The following COLEC11 variants were observed in gnomAD, a reference collection of about 807,000 sequenced individuals.
COLEC11 encodes the protein collectin-11.
Under a neutral mutation model 27.3 loss-of-function variants are expected in COLEC11, and 20 were observed. That is an observed-to-expected ratio of 0.73 (90% CI 0.51 to 1.06). The LOEUF (loss-of-function observed/expected upper bound fraction) is 1.06, where lower values mean the gene tolerates loss of function less well. Ranked by LOEUF, COLEC11 falls within the 50% of genes least tolerant of loss-of-function variation. The pLI is 0.00. For synonymous variants in COLEC11, 163 were observed against 154.7 expected (o/e 1.05, Z -0.40); for missense variants, 310 against 383.0 (o/e 0.81, Z 1.59).
intron 1 of COLEC11, among the ~76,000 whole-genome samples, chr2:3,599,133 G>A (rs1238281379): frequency 6.6e-6 from 1 of 152,138 alleles, no homozygotes; most frequent in Non-Finnish European, 1.5e-5. Flanking sequence ...GCTGGGAAGC[G>A]TTCTTAATTT....
At position 3,643,735 on chromosome 2, in the gene COLEC11, G is replaced by T. The variant is rs748736842; in HGVS notation, c.433G>T (p.Gly145Cys). Residue 145 changes from glycine to cysteine, a missense_variant, in exon 7 of 7, where the codon GGT (glycine) becomes TGT (cysteine). Coordinates refer to ENST00000349077, the MANE Select transcript of COLEC11 (RefSeq NM_024027.5). ...CCTGCCTTACCCCACAGCTGTCGCC[G>T]GTGTGCGCGAGACGGAGAGCAAGAT... ...ELKFIKNAVA[G>C]VRETESKIYL... 6.2e-7 allele frequency: 1 copy of T among 1,613,530 alleles called. No individual in the cohort carries two copies. Among genetic ancestry groups the T allele is most frequent in the Admixed American group, 1.7e-5 (1 of 60,016 alleles).
intron 2 of COLEC11, chr2:3,605,677 C>T (rs1662627894): frequency 5.0e-6 from 1 of 198,922 alleles, no homozygotes; most frequent in Non-Finnish European, 1.0e-5. Flanking sequence ...CCGCTTGGGC[C>T]TTCAGCTTCT....
rs571350788 is a variant in COLEC11 at position 3,635,222 on chromosome 2, C to T, written c.203-2311C>T. Among the ~76,000 whole-genome samples the T allele has an allele frequency of 4.6e-5, 7 of 152,004 alleles. No individual in the cohort carries two copies. In the East Asian group the frequency reaches 1.2e-3, roughly 26 times the overall value. The stretch of plus-strand genomic sequence containing the variant: ...CTTGGGGAGGCTTGGCACTCAGTGC[C>T]AGCTGTGCGTGCCTCATCCACACAT... On this transcript the variant is annotated intron_variant, in intron 3 of 6. Transcript: ENST00000349077.
At chr2:3,634,715 C>T (rs929519780) in intron 3 of COLEC11, among the ~76,000 whole-genome samples, 1 of 152,118 alleles carries the variant, frequency 6.6e-6, no homozygotes, top group Non-Finnish European at 1.5e-5. Flanking sequence ...TTGGCTCCAG[C>T]AGGCGCTGGA....
intron 3 of COLEC11, among the ~76,000 whole-genome samples, chr2:3,624,212 ATCTG>A (rs544813158): frequency 6.8e-4 from 104 of 152,230 alleles, no homozygotes; most frequent in African/African-American, 2.4e-3. Context: ...CAGTCAAGCT[ATCTG>A]TCTGTGTGAG....
At chr2:3,613,241 C>T in intron 2 of COLEC11, 70 bp from the exon 3 acceptor site, 1 of 1,506,482 alleles carries the variant, frequency 6.6e-7, no homozygotes. Context: ...AACTGTTCTT[C>T]CTCCACAAAT....
intron 3 of COLEC11, among the ~76,000 whole-genome samples, chr2:3,619,979 A>G (rs114816024): frequency 0.024 from 3,599 of 152,204 alleles, 147 homozygotes; most frequent in African/African-American, 0.08. Context: ...ATTGTGTTGA[A>G]GATTTTTGCA....
intron 2 of COLEC11, among the ~76,000 whole-genome samples, chr2:3,607,631 T>C (rs895563763): frequency 2.6e-5 from 4 of 152,180 alleles, no homozygotes; most frequent in South Asian, 2.1e-4. Flanking sequence ...GTATTTTTAG[T>C]AGAGACGGGG....
intron 3 of COLEC11, among the ~76,000 whole-genome samples, chr2:3,618,107 T>C (rs757874559): frequency 2.0e-5 from 3 of 152,240 alleles, no homozygotes; most frequent in South Asian, 2.1e-4. Context: ...TTATCAGATA[T>C]ATGGTTTGCA....
intron 3 of COLEC11, among the ~76,000 whole-genome samples, chr2:3,631,093 T>C (rs1052939264): frequency 3.3e-5 from 5 of 151,974 alleles, no homozygotes; most frequent in Admixed American, 3.3e-4. Flanking sequence ...TAGCCAGACA[T>C]GGTGGTGCAC....
intron 2 of COLEC11, among the ~76,000 whole-genome samples, chr2:3,609,730 A>G (rs370796441): frequency 2.4e-4 from 37 of 152,146 alleles, no homozygotes; most frequent in African/African-American, 8.5e-4. Context: ...GGGTTTCACC[A>G]TGTTGACCAG....
Position 3,635,671 on chromosome 2 carries a change from C to T in COLEC11, c.203-1862C>T, listed in dbSNP as rs771832528. On this transcript the variant is annotated intron_variant, in intron 3 of 6. Coordinates refer to ENST00000349077, the MANE Select transcript of COLEC11 (RefSeq NM_024027.5). ...GCCCTGCACAGCTGGCAACACACAG[C>T]GCCTGGTGTGCGAAGCAGAGTCGCC... 2.6e-5 allele frequency among the ~76,000 whole-genome samples: 4 copies of T among 152,224 alleles called. No individual in the cohort carries two copies. In the South Asian group the frequency reaches 6.2e-4, roughly 24 times the overall value.
At chr2:3,618,721 G>A (rs1045404800) in intron 3 of COLEC11, among the ~76,000 whole-genome samples, 1 of 152,138 alleles carries the variant, frequency 6.6e-6, no homozygotes, top group Non-Finnish European at 1.5e-5. Flanking sequence ...TCTGAAAAGT[G>A]CCTTTGGAAT....
chr2:3,595,988 G>GA (rs1661810714), intron 1 of COLEC11, among the ~76,000 whole-genome samples: 1 of 152,226 alleles, frequency 6.6e-6, no homozygotes, highest in Non-Finnish European at 1.5e-5. Context: ...AAAAATCCAT[G>GA]TACCGTAGAA....
At chr2:3,616,625 G>A (rs544060371) in intron 3 of COLEC11, among the ~76,000 whole-genome samples, 9 of 152,392 alleles carry the variant, frequency 5.9e-5, no homozygotes, top group African/African-American at 1.2e-4. Context: ...CAGGCATGGC[G>A]GCGCACGCCT....
rs545959086 is a variant in COLEC11, at chr2:3,595,428, T to C, written c.-27+260T>C. On this transcript the variant is annotated intron_variant, in intron 1 of 6. Coordinates refer to ENST00000349077, the MANE Select transcript of COLEC11 (RefSeq NM_024027.5). ...CCGACCCATGAGAGGTGCTGGATGATGGAGTCACCCTCTTGGGTGGCAGAT... is the reference window on the plus strand; with the variant it reads ...CCGACCCATGAGAGGTGCTGGATGACGGAGTCACCCTCTTGGGTGGCAGAT... Among the ~76,000 whole-genome samples the C allele has an allele frequency of 7.7e-4, 118 of 152,352 alleles. 1 individual carries two copies. The South Asian group carries it at 0.023, about 30-fold the overall frequency.
chr2:3,623,898 G>A (rs1308916970), intron 3 of COLEC11, among the ~76,000 whole-genome samples: 1 of 152,104 alleles, frequency 6.6e-6, no homozygotes, highest in Non-Finnish European at 1.5e-5. Flanking sequence ...TTGAAGTCTT[G>A]CATTGCTGTT....
chr2:3,613,504 A>T, intron 3 of COLEC11, 122 bp downstream of exon 3: 4 of 996,896 alleles, frequency 4.0e-6, no homozygotes, highest in Non-Finnish European at 4.6e-6. Flanking sequence ...TCTGGGTCCC[A>T]GGGAGGCAGA....
chr2:3,625,415 A>G (rs1664475029), intron 3 of COLEC11, among the ~76,000 whole-genome samples: 2 of 151,874 alleles, frequency 1.3e-5, no homozygotes, highest in Non-Finnish European at 2.9e-5. Flanking sequence ...GACCCAGCCC[A>G]GGGCGGGGGT....
Sources: gnomAD v4.1 joint callset for allele counts (sites outside exome capture counted in the v4.1 genomes callset) on GRCh38, gnomAD v4.1.1 for gene constraint, MANE v1.5 for transcripts, NCBI Gene and HGNC (gene_info 2026-07-23, HGNC 2026-07-21) for gene names.